Variants in ANKRD45 observed in about 807,000 individuals in gnomAD.
ANKRD45 encodes ankyrin repeat domain 45.
A neutral mutation model predicts 28.1 loss-of-function variants in ANKRD45; 21 were observed. The ratio of observed to expected loss-of-function variants is 0.75; its 90% confidence interval spans 0.53 to 1.08. The LOEUF (loss-of-function observed/expected upper bound fraction) is 1.08. Among genes scored for constraint, ANKRD45 ranks in the 50% least tolerant of loss-of-function variants. The pLI is 0.00. For missense variants in ANKRD45, 261 were observed against 308.7 expected (o/e 0.85, Z 1.16); for synonymous variants, 86 against 103.9 (o/e 0.83, Z 1.05).
At chr1:173,692,673 G>T in the ANKRD45 span, among the ~76,000 whole-genome samples, 1 of 152,140 alleles carries the variant, frequency 6.6e-6, no homozygotes, top group African/African-American at 2.4e-5. Context: ...ACAGTGAGAA[G>T]CAATGCTTTT....
the ANKRD45 span, among the ~76,000 whole-genome samples, chr1:173,710,453 T>A: frequency 1.3e-5 from 2 of 152,214 alleles, no homozygotes; most frequent in African/African-American, 4.8e-5. Context: ...TATGCTGGCA[T>A]GCTTCTGGGG....
chr1:173,643,722 G>A (rs965877672), intron 3 of ANKRD45, among the ~76,000 whole-genome samples: 1 of 151,894 alleles, frequency 6.6e-6, no homozygotes, highest in Non-Finnish European at 1.5e-5. Flanking sequence ...TGGGACAGAA[G>A]ATTTGACTTA....
the ANKRD45 span, among the ~76,000 whole-genome samples, chr1:173,694,345 A>C: frequency 6.6e-6 from 1 of 152,074 alleles, no homozygotes; most frequent in African/African-American, 2.4e-5. Flanking sequence ...TTGTAGTTTT[A>C]GTAGAGACAG....
chr1:173,685,165 A>C, the ANKRD45 span, among the ~76,000 whole-genome samples: 2 of 152,206 alleles, frequency 1.3e-5, no homozygotes, highest in African/African-American at 2.4e-5. Context: ...AAGATCCACC[A>C]CAATACCACC....
chr1:173,635,230 G>T (rs1668373426), intron 3 of ANKRD45: 4 of 263,892 alleles, frequency 1.5e-5, no homozygotes, highest in Admixed American at 9.6e-5. Flanking sequence ...GATTGGTCAG[G>T]TGACACCTTT....
At chr1:173,661,636 A>G (rs562819254) in intron 1 of ANKRD45, among the ~76,000 whole-genome samples, 118 of 152,330 alleles carry the variant, frequency 7.7e-4, no homozygotes, top group African/African-American at 2.7e-3. Context: ...GAGGCAAAAA[A>G]GAAAAATCAA....
At chr1:173,658,205 T>C (rs748221846) in intron 2 of ANKRD45, 29 of 187,648 alleles carry the variant, frequency 1.5e-4, no homozygotes, top group Non-Finnish European at 2.9e-4. Context: ...ATGCCTGTAG[T>C]CCCAGCTACT....
chr1:173,609,655 C>G lies in ANKRD45; in HGVS notation c.*490G>C, dbSNP rs1349051004. The G allele has an allele frequency of 3.9e-5, 6 of 154,176 alleles. No homozygotes were observed. Among genetic ancestry groups the G allele is most frequent in the Non-Finnish European group, 7.2e-5 (5 of 69,496 alleles). 9.6% of individuals were successfully genotyped at this position (154,176 alleles called of 1,614,324 possible). A position where few individuals can be genotyped will look rare whatever the true frequency, so the allele number is the denominator to read the frequency against. ...TTTTACTCAGAGGTATACCCCACCTCACAGGTGAAATTTAATTTTGGACAT... is the reference window on the plus strand; with the variant it reads ...TTTTACTCAGAGGTATACCCCACCTGACAGGTGAAATTTAATTTTGGACAT... On this transcript the variant is annotated 3_prime_UTR_variant, in exon 6 of 6. Coordinates refer to ENST00000333279, the MANE Select transcript of ANKRD45 (RefSeq NM_198493.3).
At chr1:173,614,404 T>A (rs1300375982) in intron 5 of ANKRD45, among the ~76,000 whole-genome samples, 1 of 152,248 alleles carries the variant, frequency 6.6e-6, no homozygotes, top group East Asian at 1.9e-4. Context: ...TGAAAACATC[T>A]ATCTGCAGAA....
intron 5 of ANKRD45, among the ~76,000 whole-genome samples, chr1:173,617,855 A>T (rs1667530510): frequency 6.6e-6 from 1 of 152,196 alleles, no homozygotes; most frequent in Non-Finnish European, 1.5e-5. Flanking sequence ...GGGTCTTCAG[A>T]TACCTCCTAC....
chr1:173,635,748 T>C, intron 3 of ANKRD45: 1 of 1,535,576 alleles, frequency 6.5e-7, no homozygotes, highest in Non-Finnish European at 8.7e-7. Context: ...CAGGGTTGTT[T>C]ATATCTCATT....
At position 173,645,186 on chromosome 1, in the gene ANKRD45, T is replaced by C. The variant is rs534855760; in HGVS notation, c.496+1660A>G. Among the ~76,000 whole-genome samples, 10 of 152,338 alleles carry C rather than the reference T, an allele frequency of 6.6e-5. No homozygotes were observed. In the East Asian group the frequency reaches 1.9e-3, roughly 29 times the overall value. On this transcript the variant is annotated intron_variant, in intron 3 of 5. Coordinates refer to ENST00000333279, the MANE Select transcript of ANKRD45 (RefSeq NM_198493.3). ...TGGACAGTTAATTATAAAAATAATC[T>C]ACAAAGCACAACTCATCTCTTTCTT...
upstream of ANKRD45, among the ~76,000 whole-genome samples, chr1:173,672,566 T>C (rs1571797267): frequency 6.6e-6 from 1 of 152,198 alleles, no homozygotes; most frequent in Non-Finnish European, 1.5e-5. Context: ...AATAGAACTT[T>C]TAAAGATTAT....
intron 3 of ANKRD45, chr1:173,636,722 A>C: frequency 1.2e-6 from 1 of 817,678 alleles, no homozygotes; most frequent in Non-Finnish European, 1.9e-6. Context: ...GTTTGTTTAC[A>C]TATTTAGAAC....
upstream of ANKRD45, among the ~76,000 whole-genome samples, chr1:173,672,193 A>G (rs151251863): frequency 6.6e-6 from 1 of 152,336 alleles, no homozygotes; most frequent in Non-Finnish European, 1.5e-5. Context: ...TGTAATTATT[A>G]ATTTTTCATG....
At chr1:173,704,734 G>A in the ANKRD45 span, among the ~76,000 whole-genome samples, 1 of 152,206 alleles carries the variant, frequency 6.6e-6, no homozygotes, top group South Asian at 2.1e-4. Flanking sequence ...TCCCATTATA[G>A]TGACTGCTTT....
intron 5 of ANKRD45, among the ~76,000 whole-genome samples, chr1:173,610,566 A>G (rs1178613637): frequency 6.6e-6 from 1 of 152,128 alleles, no homozygotes; most frequent in African/African-American, 2.4e-5. Flanking sequence ...TGTGATATGA[A>G]GGTGCTTAGA....
At chr1:173,655,362 C>T (rs573688685) in intron 2 of ANKRD45, among the ~76,000 whole-genome samples, 1 of 152,280 alleles carries the variant, frequency 6.6e-6, no homozygotes, top group South Asian at 2.1e-4. Flanking sequence ...CCCTCAGCTG[C>T]AGGTCTGTTG....
the ANKRD45 span, among the ~76,000 whole-genome samples, chr1:173,709,744 A>AC: frequency 6.6e-6 from 1 of 151,456 alleles, no homozygotes; most frequent in African/African-American, 2.4e-5. Flanking sequence ...TGATCCTCCC[A>AC]CCTCAGCCTC....
Sources: gnomAD v4.1 joint callset for allele counts (sites outside exome capture counted in the v4.1 genomes callset) on GRCh38, gnomAD v4.1.1 for gene constraint, MANE v1.5 for transcripts, NCBI Gene and HGNC (gene_info 2026-07-23, HGNC 2026-07-21) for gene names.